Variants in TUSC3 observed in about 807,000 individuals in gnomAD.
TUSC3 encodes dolichyl-diphosphooligosaccharide--protein glycosyltransferase subunit TUSC3.
TUSC3 carries 45 observed loss-of-function variants against 44.8 expected under a neutral mutation model. The observed-to-expected ratio is 1.00, with a 90% CI of 0.79 to 1.29. TUSC3 has a LOEUF of 1.29. TUSC3 is among the 50% of genes most tolerant of loss of function. The pLI is 0.00. For synonymous variants in TUSC3, 212 were observed against 152.9 expected, an observed-to-expected ratio of 1.39 and a Z score of -2.85; for missense variants, 519 against 437.9, an observed-to-expected ratio of 1.19 and a Z score of -1.65.
intron 1 of TUSC3, among the ~76,000 whole-genome samples, chr8:15,440,770 C>G (rs1233385205): frequency 6.6e-6 from 1 of 152,130 alleles, no homozygotes; most frequent in Non-Finnish European, 1.5e-5. Flanking sequence ...CTTCTTCATT[C>G]CAAAGATTGT....
At chr8:15,743,432 G>A (rs1284531412) in intron 7 of TUSC3, 106 bp from the exon 8 acceptor site, 2 of 1,088,614 alleles carry the variant, frequency 1.8e-6, no homozygotes, top group African/African-American at 1.6e-5. Context: ...ATTTACCTCT[G>A]TGTGCATTTG....
At chr8:15,606,371 G>T (rs2129156809) in intron 1 of TUSC3, among the ~76,000 whole-genome samples, 1 of 152,054 alleles carries the variant, frequency 6.6e-6, no homozygotes, top group South Asian at 2.1e-4. Flanking sequence ...TGTGTTAATT[G>T]ACTATGTTAT....
intron 6 of TUSC3, among the ~76,000 whole-genome samples, chr8:15,702,759 T>G (rs1447304132): frequency 6.6e-6 from 1 of 152,080 alleles, no homozygotes; most frequent in Admixed American, 6.6e-5. Flanking sequence ...TTATATTACT[T>G]AAAATAACAA....
chr8:15,727,889 T>G (rs1283403057), intron 6 of TUSC3, among the ~76,000 whole-genome samples: 1 of 152,218 alleles, frequency 6.6e-6, no homozygotes, highest in Non-Finnish European at 1.5e-5. Flanking sequence ...CTCTTAATCC[T>G]ATTTTAAAAA....
At position 15,540,562 on chromosome 8, in the gene TUSC3, AAAG is replaced by A; in HGVS notation, c.133_135del (p.Lys45del). ...TCCAGCTCGGGGGAGGACAGAAGAA[AAAG>A]GAGGTAGAATGGATCCCCTTGGCCT... On this transcript the variant is annotated inframe_deletion, in exon 1 of 11. Coordinates refer to ENST00000503731, the MANE Select transcript of TUSC3 (RefSeq NM_006765.4). 1.3e-6 allele frequency: 2 copies of A among 1,586,230 alleles called. No homozygotes were observed. Among genetic ancestry groups the A allele is most frequent in the Non-Finnish European group, 1.7e-6 (2 of 1,167,008 alleles).
chr8:15,850,515 C>T, the TUSC3 span, among the ~76,000 whole-genome samples: 1 of 152,024 alleles, frequency 6.6e-6, no homozygotes, highest in Non-Finnish European at 1.5e-5. Flanking sequence ...TTTTGATTCG[C>T]TTCTCATATA....
At chr8:15,816,541 T>C in the TUSC3 span, among the ~76,000 whole-genome samples, 4 of 152,172 alleles carry the variant, frequency 2.6e-5, no homozygotes, top group East Asian at 7.7e-4. Flanking sequence ...AAAGGGTGAC[T>C]CTTCTATCCC....
chr8:15,538,922 T>C (rs1159703386), upstream of TUSC3, among the ~76,000 whole-genome samples: 3 of 151,884 alleles, frequency 2.0e-5, no homozygotes, highest in Non-Finnish European at 4.4e-5. Flanking sequence ...TGATCGGAAC[T>C]CACTGTAACC....
At chr8:15,697,406 G>A (rs1423944844) in intron 6 of TUSC3, among the ~76,000 whole-genome samples, 1 of 152,116 alleles carries the variant, frequency 6.6e-6, no homozygotes, top group East Asian at 1.9e-4. Context: ...ACTTTTTGAT[G>A]TAGGCATTTA....
At chr8:15,752,453 T>A (rs1030730452) in intron 9 of TUSC3, among the ~76,000 whole-genome samples, 1 of 152,052 alleles carries the variant, frequency 6.6e-6, no homozygotes, top group Non-Finnish European at 1.5e-5. Flanking sequence ...CTTAACCAAT[T>A]TGGGTGAATT....
the TUSC3 span, among the ~76,000 whole-genome samples, chr8:15,817,323 C>G: frequency 1.4e-5 from 2 of 146,516 alleles, no homozygotes; most frequent in African/African-American, 2.5e-5. Context: ...TTCTGAACAA[C>G]CAGAGAAGAA....
At chr8:15,762,926 T>A (rs1202630533) in intron 10 of TUSC3, among the ~76,000 whole-genome samples, 3 of 152,014 alleles carry the variant, frequency 2.0e-5, no homozygotes, top group Non-Finnish European at 4.4e-5. Context: ...ATGGTCACCC[T>A]TATCGTACGC....
the TUSC3 span, among the ~76,000 whole-genome samples, chr8:15,814,047 C>T: frequency 6.6e-6 from 1 of 152,256 alleles, no homozygotes; most frequent in South Asian, 2.1e-4. Context: ...TAGAACACTG[C>T]CTGGATGTAG....
At chr8:15,735,330 C>G (rs911756344) in intron 7 of TUSC3, among the ~76,000 whole-genome samples, 1 of 152,042 alleles carries the variant, frequency 6.6e-6, no homozygotes, top group Non-Finnish European at 1.5e-5. Flanking sequence ...GGTTCAAGAA[C>G]AGGAATCAGA....
chr8:15,495,547 G>C (rs1216228119), intron 2 of TUSC3, among the ~76,000 whole-genome samples: 2 of 152,148 alleles, frequency 1.3e-5, no homozygotes, highest in Non-Finnish European at 2.9e-5. Context: ...CCAGGTATTA[G>C]TGACTACTCA....
chr8:15,754,151 G>C (rs1265663733), intron 9 of TUSC3, among the ~76,000 whole-genome samples: 1 of 152,050 alleles, frequency 6.6e-6, no homozygotes. Flanking sequence ...TGAAATGCAG[G>C]AAAGAATTAT....
At chr8:15,648,314 T>A (rs1806719283) in intron 2 of TUSC3, among the ~76,000 whole-genome samples, 1 of 152,140 alleles carries the variant, frequency 6.6e-6, no homozygotes, top group African/African-American at 2.4e-5. Context: ...GTTTTTTCCT[T>A]CCGTGAATAC....
chr8:15,559,096 G>T (rs1197323833), intron 1 of TUSC3, among the ~76,000 whole-genome samples: 1 of 144,592 alleles, frequency 6.9e-6, no homozygotes, highest in Non-Finnish European at 1.5e-5. Context: ...TGTGATGTTA[G>T]GGTGTCAATT....
chr8:15,436,184 A>T (rs1030478360), intron 1 of TUSC3, among the ~76,000 whole-genome samples: 1 of 152,180 alleles, frequency 6.6e-6, no homozygotes, highest in African/African-American at 2.4e-5. Flanking sequence ...GGTCTGAGAG[A>T]CAGAACATGG....
Sources: allele counts gnomAD v4.1 joint callset (sites outside exome capture counted in the v4.1 genomes callset), GRCh38; gene constraint gnomAD v4.1.1; transcripts MANE v1.5; gene names NCBI Gene and HGNC (gene_info 2026-07-23, HGNC 2026-07-21).